Variants in GPHN observed in about 807,000 individuals in gnomAD.
The protein encoded by GPHN is gephyrin.
In GPHN, 17 loss-of-function variants were observed where a neutral mutation model predicts 95.5. The ratio of observed to expected loss-of-function variants is 0.18; its 90% CI spans 0.12 to 0.27. The LOEUF (loss-of-function observed/expected upper bound fraction) is 0.27. Ranked by LOEUF, GPHN falls within the 10% of genes least tolerant of loss-of-function variation. The pLI, the probability that GPHN is intolerant of heterozygous loss-of-function variation, is 1.00. For synonymous variants in GPHN, 320 were observed against 322.5 expected (o/e 0.99, Z 0.08); for missense variants, 660 against 978.1 (o/e 0.67, Z 4.34).
chr14:67,243,785 C>T, the GPHN span, among the ~76,000 whole-genome samples: 1 of 152,168 alleles, frequency 6.6e-6, no homozygotes, highest in Non-Finnish European at 1.5e-5. Context: ...CGTGAGCCAC[C>T]GCGCCCAGCC....
chr14:67,650,892 C>G, the GPHN span: 2 of 1,614,048 alleles, frequency 1.2e-6, no homozygotes, highest in Non-Finnish European at 1.7e-6. Flanking sequence ...CCAGATGAAT[C>G]AGAAAATCAA....
chr14:67,727,615 TG>T, the GPHN span: 40 of 238,708 alleles, frequency 1.7e-4, no homozygotes, highest in Middle Eastern at 1.6e-3. Context: ...CTTGAGTAGT[TG>T]GGATTACAAG....
chr14:66,987,955 A>G (rs2071137099), intron 9 of GPHN, among the ~76,000 whole-genome samples: 1 of 152,072 alleles, frequency 6.6e-6, no homozygotes, highest in African/African-American at 2.4e-5. Flanking sequence ...AAGCTGGAGG[A>G]GCTCAGAGAT....
chr14:67,513,768 A>G, the GPHN span, among the ~76,000 whole-genome samples: 1 of 152,274 alleles, frequency 6.6e-6, no homozygotes, highest in African/African-American at 2.4e-5. Flanking sequence ...AAGCAGATGT[A>G]TCTGTCTTCC....
At chr14:66,758,207 C>T (rs144772568) in intron 2 of GPHN, among the ~76,000 whole-genome samples, 4 of 152,306 alleles carry the variant, frequency 2.6e-5, no homozygotes, top group African/African-American at 4.8e-5. Flanking sequence ...GACAAGTTAT[C>T]GATCCAGTCC....
chr14:67,443,299 T>C, the GPHN span, among the ~76,000 whole-genome samples: 1 of 152,158 alleles, frequency 6.6e-6, no homozygotes, highest in African/African-American at 2.4e-5. Flanking sequence ...TATGACTGCA[T>C]AAGACTTTTC....
intron 4 of GPHN, among the ~76,000 whole-genome samples, chr14:66,843,941 T>G (rs1326341865): frequency 6.6e-6 from 1 of 152,104 alleles, no homozygotes; most frequent in African/African-American, 2.4e-5. Flanking sequence ...ATACTAAAAT[T>G]ATTTCTTAAT....
chr14:66,623,303 C>T (rs1210595994), intron 1 of GPHN, among the ~76,000 whole-genome samples: 1 of 152,130 alleles, frequency 6.6e-6, no homozygotes, highest in Non-Finnish European at 1.5e-5. Context: ...CGACCAGGTT[C>T]CTCCCAAGAC....
chr14:67,497,070 G>C, the GPHN span, among the ~76,000 whole-genome samples: 1 of 151,754 alleles, frequency 6.6e-6, no homozygotes, highest in Non-Finnish European at 1.5e-5. Context: ...GGGATTACAG[G>C]CCTGAGCCAC....
intron 4 of GPHN, among the ~76,000 whole-genome samples, chr14:66,844,809 C>A (rs77661931): frequency 6.6e-6 from 1 of 152,042 alleles, no homozygotes; most frequent in Non-Finnish European, 1.5e-5. Flanking sequence ...TTTGTGCAAC[C>A]GTCACCACTG....
chr14:67,656,532 C>A, the GPHN span: 2 of 1,613,788 alleles, frequency 1.2e-6, no homozygotes, highest in Admixed American at 3.3e-5. Context: ...CTTTGGGTGG[C>A]CCGGTTCAGG....
intron 2 of GPHN, among the ~76,000 whole-genome samples, chr14:66,714,651 T>A (rs940883269): frequency 6.6e-6 from 1 of 152,206 alleles, no homozygotes; most frequent in Non-Finnish European, 1.5e-5. Flanking sequence ...GGTGTGTCCC[T>A]TGTATGCCCA....
At chr14:67,117,634 A>T (rs1173338307) in intron 16 of GPHN, among the ~76,000 whole-genome samples, 1 of 152,208 alleles carries the variant, frequency 6.6e-6, no homozygotes, top group Non-Finnish European at 1.5e-5. Context: ...CAAAACTAAG[A>T]AAAGTTCTTA....
At chr14:67,364,749 C>A in the GPHN span, 1 of 1,587,888 alleles carries the variant, frequency 6.3e-7, no homozygotes, top group Middle Eastern at 1.7e-4. Context: ...TTACTTAATT[C>A]TTTTGTTTAA....
the GPHN span, among the ~76,000 whole-genome samples, chr14:67,247,718 A>T: frequency 6.6e-6 from 1 of 151,898 alleles, no homozygotes; most frequent in Admixed American, 6.6e-5. Flanking sequence ...GCTGGGACCT[A>T]CTGCAAGTGC....
At chr14:67,077,513 TTAAC>T (rs2076542796) in intron 11 of GPHN, among the ~76,000 whole-genome samples, 1 of 152,186 alleles carries the variant, frequency 6.6e-6, no homozygotes, top group Non-Finnish European at 1.5e-5. Context: ...ACCAAACAAA[TTAAC>T]TATTAATTTT....
chr14:67,597,812 A>C, the GPHN span, among the ~76,000 whole-genome samples: 2 of 152,034 alleles, frequency 1.3e-5, no homozygotes, highest in Non-Finnish European at 2.9e-5. Context: ...ACATCCAAGG[A>C]AACAGGATTT....
the GPHN span, among the ~76,000 whole-genome samples, chr14:67,370,785 G>A: frequency 2.6e-5 from 4 of 152,108 alleles, no homozygotes; most frequent in Non-Finnish European, 5.9e-5. Context: ...CAGCACTTTG[G>A]GAGGTTGAGG....
chr14:67,729,155 T>TG, the GPHN span: 2 of 1,603,194 alleles, frequency 1.2e-6, no homozygotes, highest in South Asian at 2.2e-5. Context: ...GGGCTCAGAG[T>TG]GTGTCCCTGA....
Sources: gnomAD v4.1 joint callset for allele counts (sites outside exome capture counted in the v4.1 genomes callset) on GRCh38, gnomAD v4.1.1 for gene constraint, MANE v1.5 for transcripts, NCBI Gene and HGNC (gene_info 2026-07-23, HGNC 2026-07-21) for gene names.